The following KIAA0930 variants were observed in gnomAD, a reference collection of about 807,000 sequenced individuals.
The protein encoded by KIAA0930 is KIAA0930.
KIAA0930 carries 24 observed loss-of-function variants against 43.9 expected under a neutral mutation model. The observed-to-expected ratio is 0.55, with a 90% CI of 0.40 to 0.77. KIAA0930 has a LOEUF of 0.77. Among genes scored for constraint, KIAA0930 ranks in the 30% least tolerant of loss-of-function variants. The pLI, the probability that KIAA0930 is intolerant of heterozygous loss-of-function variation, is 0.00. For missense variants in KIAA0930, 461 were observed against 574.2 expected (o/e 0.80, Z 2.02); for synonymous variants, 259 against 216.4 (o/e 1.20, Z -1.73).
Position 45,193,822 on chromosome 22 carries a change from G to T in KIAA0930, c.*3354C>A, listed in dbSNP as rs5766526. 1 of 151,934 alleles carries T rather than the reference G, an allele frequency of 6.6e-6. No homozygotes were observed. The highest frequency in any genetic ancestry group is 1.5e-5 in the Non-Finnish European group (1 of 67,980). The allele number at this position is 151,934 out of a possible 1,614,324, so 9.4% of individuals were successfully genotyped here. ...ATGAGAATGTAAGATGGCCACTACC[G>T]GAACTTACAGGTGCCAAAAGAAGAA... On this transcript the variant is annotated 3_prime_UTR_variant, in exon 10 of 10. Transcript: ENST00000336156.
At chr22:45,223,617 AG>A (rs1324611438) in intron 1 of KIAA0930, among the ~76,000 whole-genome samples, 1 of 150,290 alleles carries the variant, frequency 6.7e-6, no homozygotes, top group Non-Finnish European at 1.5e-5. Flanking sequence ...GCCAGCAACT[AG>A]GATCAGCACC....
intron 7 of KIAA0930, chr22:45,200,958 T>C (rs933407079): frequency 3.1e-5 from 16 of 510,322 alleles, no homozygotes; most frequent in Admixed American, 8.4e-5. Flanking sequence ...GTTCGCCAGG[T>C]GAAGAAGGGG....
Position 45,205,396 on chromosome 22 carries a change from G to C in KIAA0930, c.415-78C>G. The C allele has an allele frequency of 3.8e-6, 5 of 1,306,040 alleles. No individual in the cohort carries two copies. In the South Asian group the frequency reaches 6.1e-5, roughly 16 times the overall value. 80.9% of individuals were successfully genotyped at this position (1,306,040 alleles called of 1,614,324 possible). On this transcript the variant is annotated intron_variant, in intron 4 of 9. Coordinates refer to ENST00000336156, the MANE Select transcript of KIAA0930 (RefSeq NM_001009880.2). Reference sequence around the variant, plus strand: ...CCAGAGCCAGTCCAAGCCAGTATAGGGAGGCCACCCGGCCCAGAGCCAGTC... The same window carrying C: ...CCAGAGCCAGTCCAAGCCAGTATAGCGAGGCCACCCGGCCCAGAGCCAGTC...
chr22:45,227,193 C>A (rs921486772), intron 1 of KIAA0930, among the ~76,000 whole-genome samples: 1 of 152,234 alleles, frequency 6.6e-6, no homozygotes, highest in South Asian at 2.1e-4. Flanking sequence ...AACGACACAC[C>A]ACACAGGACA....
chr22:45,221,199 T>C lies in KIAA0930; in HGVS notation c.65-9092A>G, dbSNP rs117046308. Among the ~76,000 whole-genome samples the C allele has an allele frequency of 9.6e-4, 146 of 152,342 alleles. 1 individual carries two copies. In the East Asian group the frequency reaches 0.024, roughly 25 times the overall value. Reference sequence around the variant, plus strand: ...GCTTGATTTTTCTCCACAGCACTTGTCACTATCGAATATATATTTTGCCTA... The same window carrying C: ...GCTTGATTTTTCTCCACAGCACTTGCCACTATCGAATATATATTTTGCCTA... On this transcript the variant is annotated intron_variant, in intron 1 of 9. Coordinates refer to ENST00000336156, the MANE Select transcript of KIAA0930 (RefSeq NM_001009880.2).
At chr22:45,216,880 T>G (rs1388724171) in intron 1 of KIAA0930, among the ~76,000 whole-genome samples, 1 of 152,122 alleles carries the variant, frequency 6.6e-6, no homozygotes, top group Non-Finnish European at 1.5e-5. Context: ...CTTCCCTCCC[T>G]TCCCTCCCGG....
chr22:45,240,733 CGCCGCCCGCAGGCTCGG>C lies in KIAA0930; in HGVS notation c.-47_-31del. On this transcript the variant is annotated 5_prime_UTR_variant, in exon 1 of 10. Coordinates refer to ENST00000336156, the MANE Select transcript of KIAA0930 (RefSeq NM_001009880.2). ...TGCAGCGAGCGCTCCTCGGCCTCGG[CGCCGCCCGCAGGCTCGG>C]GGGCGGCGGCGGCGGGGAGGGCGGG... The C allele has an allele frequency of 9.8e-7, 1 of 1,022,014 alleles. No homozygotes were observed. The highest frequency in any genetic ancestry group is 1.1e-6 in the Non-Finnish European group (1 of 878,020). 63.3% of individuals were successfully genotyped at this position (1,022,014 alleles called of 1,614,324 possible).
intron 1 of KIAA0930, among the ~76,000 whole-genome samples, chr22:45,213,839 G>A (rs1601818016): frequency 6.6e-6 from 1 of 152,116 alleles, no homozygotes; most frequent in Non-Finnish European, 1.5e-5. Context: ...GTGAAACCCT[G>A]TATCTAGTAA....
intron 1 of KIAA0930, among the ~76,000 whole-genome samples, chr22:45,219,745 C>A (rs1483538639): frequency 2.0e-5 from 3 of 152,012 alleles, no homozygotes; most frequent in Admixed American, 1.3e-4. Context: ...ACATGCACCA[C>A]CAGACCCAGC....
At chr22:45,200,864 C>CA (rs1382039635) in intron 7 of KIAA0930, 1 of 470,902 alleles carries the variant, frequency 2.1e-6, no homozygotes, top group African/African-American at 2.0e-5. Context: ...AGCACAGAGG[C>CA]AAAAGGGATC....
chr22:45,216,694 GC>G (rs774124084), intron 1 of KIAA0930, among the ~76,000 whole-genome samples: 5 of 152,160 alleles, frequency 3.3e-5, no homozygotes, highest in East Asian at 1.9e-4. Flanking sequence ...CCAGCACAGA[GC>G]CTCGTCGTCT....
intron 1 of KIAA0930, among the ~76,000 whole-genome samples, chr22:45,228,216 A>G (rs766207786): frequency 1.3e-5 from 2 of 152,018 alleles, no homozygotes; most frequent in Non-Finnish European, 2.9e-5. Flanking sequence ...GATGTCCCCG[A>G]TCCCCAGCAC....
rs748824611 is a variant in KIAA0930 at position 45,197,132 on chromosome 22, G to A, written c.*44C>T. 2.3e-5 allele frequency: 34 copies of A among 1,506,222 alleles called. No individual in the cohort carries two copies. The highest frequency in any genetic ancestry group is 4.3e-5 in the Admixed American group (2 of 46,816). 93.3% of individuals were successfully genotyped at this position (1,506,222 alleles called of 1,614,324 possible). ...ACAGGTAGGCACTTGGCAGCACTCC[G>A]AGGGCTGGGCCCGGCCGGGGCTCTG... On this transcript the variant is annotated 3_prime_UTR_variant, in exon 10 of 10. Transcript: ENST00000336156.
chr22:45,205,453 G>T (rs1477245133), intron 4 of KIAA0930, 135 bp from the exon 5 acceptor site: 2 of 917,186 alleles, frequency 2.2e-6, no homozygotes, highest in Non-Finnish European at 3.5e-6. Flanking sequence ...AGATGTGGGG[G>T]ATAAGCTGGT....
In KIAA0930 at chr22:45,197,836, A is replaced by G. The variant is rs765191065; in HGVS notation, c.1128T>C (p.Tyr376=). The change falls in exon 9 of 10, where the codon TAT becomes TAC. Residue 376 remains tyrosine, a synonymous_variant. Coordinates refer to ENST00000336156, the MANE Select transcript of KIAA0930 (RefSeq NM_001009880.2). ...GCAACGTGACGTAGGTTAAGTGTGC[A>G]TAGAGAAGGAAGTTTCCATCTGCTC... The part of the protein sequence containing the change: ...LNRADGNFLL[Y]AHLTYVTLPL... 3 of 1,614,226 alleles carry G rather than the reference A, an allele frequency of 1.9e-6. No individual in the cohort carries two copies. Among genetic ancestry groups the G allele is most frequent in the Non-Finnish European group, 2.5e-6 (3 of 1,180,026 alleles).
chr22:45,211,615 T>C (rs2083694013), intron 2 of KIAA0930, among the ~76,000 whole-genome samples: 1 of 152,164 alleles, frequency 6.6e-6, no homozygotes, highest in Non-Finnish European at 1.5e-5. Flanking sequence ...CCCTGGGCTC[T>C]GGAGTCCGAC....
intron 5 of KIAA0930, among the ~76,000 whole-genome samples, chr22:45,204,620 G>A (rs2083619277): frequency 6.6e-6 from 1 of 152,256 alleles, no homozygotes; most frequent in Admixed American, 6.5e-5. Context: ...TGAGCACCTT[G>A]GATGCGCACA....
chr22:45,221,025 C>T (rs1221562101), intron 1 of KIAA0930, among the ~76,000 whole-genome samples: 1 of 152,274 alleles, frequency 6.6e-6, no homozygotes, highest in East Asian at 1.9e-4. Context: ...CAGTTCTGGT[C>T]ACTTTTCAGC....
intron 2 of KIAA0930, among the ~76,000 whole-genome samples, chr22:45,209,507 C>CA (rs1162055891): frequency 6.6e-6 from 1 of 152,186 alleles, no homozygotes; most frequent in Non-Finnish European, 1.5e-5. Context: ...CACACCCTCC[C>CA]ACTCTGCACT....
Sources: gnomAD v4.1 joint callset for allele counts (sites outside exome capture counted in the v4.1 genomes callset) on GRCh38, gnomAD v4.1.1 for gene constraint, MANE v1.5 for transcripts, NCBI Gene and HGNC (gene_info 2026-07-23, HGNC 2026-07-21) for gene names.